Variants in CACNA2D1 observed in about 807,000 individuals in gnomAD.
CACNA2D1 encodes the protein calcium voltage-gated channel auxiliary subunit alpha2delta 1.
CACNA2D1 carries 53 observed loss-of-function variants against 171.5 expected under a neutral mutation model. That is an observed-to-expected ratio of 0.31 (90% CI 0.25 to 0.39). The LOEUF (loss-of-function observed/expected upper bound fraction) is 0.39, where lower values mean the gene tolerates loss of function less well. CACNA2D1 is among the 10% of genes least tolerant of loss of function. The probability of loss-of-function intolerance (pLI) is 1.00; values close to 1 mark genes in which losing one functional copy is unlikely to be tolerated. For missense variants in CACNA2D1, 903 were observed against 1,299.8 expected (o/e 0.69, Z 4.69); for synonymous variants, 442 against 443.1 (o/e 1.00, Z 0.03).
At chr7:82,098,499 T>C (rs1812204741) in intron 6 of CACNA2D1, among the ~76,000 whole-genome samples, 1 of 152,176 alleles carries the variant, frequency 6.6e-6, no homozygotes, top group Admixed American at 6.5e-5. Flanking sequence ...CTGCATATCT[T>C]ACATGTACAG....
At chr7:82,206,571 A>G (rs1158152683) in intron 3 of CACNA2D1, among the ~76,000 whole-genome samples, 14 of 152,166 alleles carry the variant, frequency 9.2e-5, no homozygotes, top group Admixed American at 9.2e-4. Flanking sequence ...GCCATAAAAG[A>G]TGCAAATTTA....
chr7:82,077,197 A>G (rs1809075382), intron 7 of CACNA2D1, among the ~76,000 whole-genome samples: 1 of 152,208 alleles, frequency 6.6e-6, no homozygotes, highest in South Asian at 2.1e-4. Context: ...TAGTAACCAT[A>G]GCAGAGATGC....
intron 3 of CACNA2D1, among the ~76,000 whole-genome samples, chr7:82,195,098 CATTACCAATTA>C (rs1798721128): frequency 6.6e-6 from 1 of 151,920 alleles, no homozygotes; most frequent in African/African-American, 2.4e-5. Context: ...TCAATGATTC[CATTACCAATTA>C]ATTTTTGTTT....
intron 3 of CACNA2D1, among the ~76,000 whole-genome samples, chr7:82,286,036 T>G (rs1810719642): frequency 2.0e-5 from 3 of 152,286 alleles, no homozygotes; most frequent in Admixed American, 6.5e-5. Context: ...TGTCTCTTCT[T>G]CCTCTCTGTC....
At chr7:82,432,951 C>T (rs1829822110) in intron 1 of CACNA2D1, among the ~76,000 whole-genome samples, 1 of 152,030 alleles carries the variant, frequency 6.6e-6, no homozygotes, top group African/African-American at 2.4e-5. Flanking sequence ...TTTGGGAGGC[C>T]AAGGCAGGTG....
chr7:82,364,570 GCTAT>G (rs1045064222), intron 1 of CACNA2D1, among the ~76,000 whole-genome samples: 2 of 152,190 alleles, frequency 1.3e-5, no homozygotes, highest in Non-Finnish European at 2.9e-5. Flanking sequence ...TAATAAAACT[GCTAT>G]CTAAGAAGTG....
chr7:82,293,461 T>C (rs965688768), intron 3 of CACNA2D1, among the ~76,000 whole-genome samples: 3 of 152,226 alleles, frequency 2.0e-5, no homozygotes, highest in Admixed American at 2.0e-4. Flanking sequence ...GGGTGTTCAG[T>C]TGGTGACCTG....
At chr7:82,012,344 T>C (rs746946457) in intron 14 of CACNA2D1, 101 bp from the exon 15 acceptor site, 5 of 720,256 alleles carry the variant, frequency 6.9e-6, no homozygotes, top group Non-Finnish European at 1.2e-5. Context: ...AAAATGAATA[T>C]AGAATCAAAA....
chr7:82,320,525 T>C (rs2129437977), intron 3 of CACNA2D1, among the ~76,000 whole-genome samples: 1 of 151,316 alleles, frequency 6.6e-6, no homozygotes, highest in East Asian at 1.9e-4. Context: ...GATCTTCCCA[T>C]CCTAGTCTCC....
intron 1 of CACNA2D1, among the ~76,000 whole-genome samples, chr7:82,386,282 A>T (rs1466155631): frequency 6.6e-6 from 1 of 152,210 alleles, no homozygotes; most frequent in Non-Finnish European, 1.5e-5. Flanking sequence ...TTTGAGCTGC[A>T]TTCTCCTATG....
At chr7:81,954,937 G>A (rs57022379) in intron 38 of CACNA2D1, among the ~76,000 whole-genome samples, 2,785 of 148,392 alleles carry the variant, frequency 0.019, 85 homozygotes, top group African/African-American at 0.065. Context: ...ACATTAACTC[G>A]TGAGATAGGT....
At chr7:82,206,040 T>C (rs1346412403) in intron 3 of CACNA2D1, among the ~76,000 whole-genome samples, 1 of 152,104 alleles carries the variant, frequency 6.6e-6, no homozygotes, top group Non-Finnish European at 1.5e-5. Flanking sequence ...TAAAGGACAA[T>C]TTGTTTCTGA....
intron 12 of CACNA2D1, among the ~76,000 whole-genome samples, chr7:82,025,266 AATCCATTAACATGAGATGTCTTTCC>A (rs1311150596): frequency 6.6e-6 from 1 of 151,710 alleles, no homozygotes; most frequent in African/African-American, 2.4e-5. Context: ...TAAGTCTTCC[AATCCATTAACATGAGATGTCTTTCC>A]ATTGGTGTCT....
intron 10 of CACNA2D1, among the ~76,000 whole-genome samples, chr7:82,058,459 T>C (rs1806210734): frequency 6.6e-6 from 1 of 152,196 alleles, no homozygotes; most frequent in Non-Finnish European, 1.5e-5. Flanking sequence ...TGGTTTGTTA[T>C]GAACTATATG....
chr7:82,090,948 T>C (rs1044497392), intron 6 of CACNA2D1, among the ~76,000 whole-genome samples: 5 of 151,994 alleles, frequency 3.3e-5, no homozygotes, highest in Admixed American at 1.3e-4. Context: ...CATTTATATG[T>C]TGACTACCTT....
chr7:82,145,366 CATT>C lies in CACNA2D1; in HGVS notation c.355-8693_355-8691del, dbSNP rs572040436. Among the ~76,000 whole-genome samples, 495 of 140,082 alleles carry C rather than the reference CATT, an allele frequency of 3.5e-3. 3 individuals are homozygous for C. Among genetic ancestry groups the C allele is most frequent in the African/African-American group, 0.012 (475 of 38,634 alleles). 91.9% of individuals were successfully genotyped at this position (140,082 alleles called of 152,430 possible). On this transcript the variant is annotated intron_variant, in intron 4 of 38. Coordinates refer to ENST00000356860, the MANE Select transcript of CACNA2D1 (RefSeq NM_000722.4). ...TATAATTTATATATTATATATTACA[CATT>C]ATATATTATATATTATATATGTATT...
chr7:82,185,551 G>C (rs1304285730), intron 3 of CACNA2D1, among the ~76,000 whole-genome samples: 1 of 71,376 alleles, frequency 1.4e-5, no homozygotes, highest in Non-Finnish European at 2.7e-5. Context: ...AGGGGAGGGG[G>C]AGGAGGGGGA....
At chr7:82,197,816 C>A (rs1799000512) in intron 3 of CACNA2D1, among the ~76,000 whole-genome samples, 1 of 151,564 alleles carries the variant, frequency 6.6e-6, no homozygotes. Context: ...TACAAACACA[C>A]ACACACACAC....
intron 1 of CACNA2D1, among the ~76,000 whole-genome samples, chr7:82,374,031 A>T (rs1462671459): frequency 6.6e-6 from 1 of 152,240 alleles, no homozygotes; most frequent in Non-Finnish European, 1.5e-5. Flanking sequence ...TTCTGTTGCC[A>T]GCTAAAGGTT....
Sources: gnomAD v4.1 joint callset for allele counts (sites outside exome capture counted in the v4.1 genomes callset) on GRCh38, gnomAD v4.1.1 for gene constraint, MANE v1.5 for transcripts, NCBI Gene and HGNC (gene_info 2026-07-23, HGNC 2026-07-21) for gene names.